Variants in KALRN observed in about 807,000 individuals in gnomAD.
The protein encoded by KALRN is kalirin RhoGEF kinase, also known as kalirin.
Under a neutral mutation model 353.7 loss-of-function variants are expected in KALRN, and 70 were observed. The observed-to-expected ratio is 0.20, with a 90% CI of 0.16 to 0.24. The LOEUF (loss-of-function observed/expected upper bound fraction) is 0.24, where lower values mean the gene tolerates loss of function less well. Ranked by LOEUF, KALRN falls within the 10% of genes least tolerant of loss-of-function variation. The probability of loss-of-function intolerance (pLI) is 1.00; values close to 1 mark genes in which losing one functional copy is unlikely to be tolerated. For missense variants in KALRN, 2,791 were observed against 3,756.7 expected (o/e 0.74, Z 6.72); for synonymous variants, 1,391 against 1,434.8 (o/e 0.97, Z 0.69).
At chr3:124,433,307 C>T (rs2093348247) in intron 16 of KALRN, among the ~76,000 whole-genome samples, 1 of 151,648 alleles carries the variant, frequency 6.6e-6, no homozygotes, top group Non-Finnish European at 1.5e-5. Context: ...AAAAGAACTT[C>T]TGGTCAGATG....
intron 25 of KALRN, among the ~76,000 whole-genome samples, chr3:124,464,421 A>C (rs1202136057): frequency 1.3e-5 from 2 of 152,192 alleles, no homozygotes; most frequent in East Asian, 3.8e-4. Context: ...CTGGTAAACC[A>C]TGGTAAACAG....
At chr3:124,324,211 A>G (rs934673121) in intron 6 of KALRN, among the ~76,000 whole-genome samples, 4 of 152,224 alleles carry the variant, frequency 2.6e-5, no homozygotes, top group African/African-American at 9.6e-5. Context: ...ACCATGCCCA[A>G]GTAAACTGTC....
At chr3:124,478,773 C>A (rs1324091862) in intron 27 of KALRN, among the ~76,000 whole-genome samples, 1 of 152,166 alleles carries the variant, frequency 6.6e-6, no homozygotes, top group Non-Finnish European at 1.5e-5. Context: ...TGCATTGTGT[C>A]CTGTCTTCCA....
At chr3:124,389,752 A>G (rs751515423) in intron 11 of KALRN, among the ~76,000 whole-genome samples, 4 of 152,232 alleles carry the variant, frequency 2.6e-5, no homozygotes, top group African/African-American at 9.6e-5. Flanking sequence ...TCAATAACAC[A>G]TATAGAATAA....
At chr3:124,657,908 C>G in intron 41 of KALRN, 105 bp downstream of exon 41, 1 of 827,846 alleles carries the variant, frequency 1.2e-6, no homozygotes, top group Non-Finnish European at 2.0e-6. Flanking sequence ...AATTCCAACA[C>G]TTTAGGAGGC....
chr3:124,481,827 C>G (rs745483347), intron 27 of KALRN, among the ~76,000 whole-genome samples: 1 of 152,230 alleles, frequency 6.6e-6, no homozygotes, highest in Non-Finnish European at 1.5e-5. Context: ...CTTATCTCTA[C>G]TAACCACCCG....
intron 22 of KALRN, among the ~76,000 whole-genome samples, chr3:124,455,897 A>C (rs1269099468): frequency 6.6e-6 from 1 of 152,232 alleles, no homozygotes; most frequent in African/African-American, 2.4e-5. Flanking sequence ...TTAAGAGCTT[A>C]ATACAGCCTG....
At chr3:124,518,806 G>A in intron 33 of KALRN, 1 of 1,213,328 alleles carries the variant, frequency 8.2e-7, no homozygotes, top group Non-Finnish European at 1.0e-6. Flanking sequence ...CCAGGCTCCT[G>A]CTGCCCTAGA....
chr3:124,707,796 A>C (rs988036897), intron 57 of KALRN, among the ~76,000 whole-genome samples: 2 of 152,194 alleles, frequency 1.3e-5, no homozygotes, highest in Admixed American at 1.3e-4. Flanking sequence ...AACTTCAAAA[A>C]GGGGCACTTG....
At position 124,234,684 on chromosome 3, in the gene KALRN, C is replaced by T. The variant is rs191181202; in HGVS notation, c.149-145C>T. The T allele has an allele frequency of 6.3e-6, 4 of 633,892 alleles. No individual in the cohort carries two copies. The African/African-American group carries it at 7.3e-5, about 12-fold the overall frequency. The allele number at this position is 633,892 out of a possible 1,614,324, so 39.3% of individuals were successfully genotyped here. A position where few individuals can be genotyped will look rare whatever the true frequency, so the allele number is the denominator to read the frequency against. On this transcript the variant is annotated intron_variant, in intron 2 of 59. Transcript: ENST00000682506. ...ATGTGCTACCTGCATCTAGACCCCCCCACCTTGTCCTAAGCAGTGACCAGA... is the reference window on the plus strand; with the variant it reads ...ATGTGCTACCTGCATCTAGACCCCCTCACCTTGTCCTAAGCAGTGACCAGA...
chr3:124,701,073 T>G (rs1405464429), intron 56 of KALRN, among the ~76,000 whole-genome samples: 1 of 152,222 alleles, frequency 6.6e-6, no homozygotes. Context: ...AAGCTGCTCA[T>G]GTGACCCCTC....
At chr3:124,306,778 C>A (rs1038825880) in intron 6 of KALRN, among the ~76,000 whole-genome samples, 3 of 152,166 alleles carry the variant, frequency 2.0e-5, no homozygotes, top group South Asian at 4.1e-4. Context: ...TACAAGGGAA[C>A]CTCAATAAGA....
In KALRN at chr3:124,652,460, G is replaced by A. The variant is rs7649650; in HGVS notation, c.5795+1522G>A. 2.6e-3 allele frequency among the ~76,000 whole-genome samples: 393 copies of A among 152,352 alleles called. 1 individual carries two copies. Among genetic ancestry groups the A allele is most frequent in the African/African-American group, 9.1e-3 (380 of 41,584 alleles). On this transcript the variant is annotated intron_variant, in intron 38 of 59. Transcript: ENST00000682506. ...CTGAGTCTCCTTAGCTTCTCAGGTTGTTGTTACACAGGTGAGGCCAAGTTG... is the reference window on the plus strand; with the variant it reads ...CTGAGTCTCCTTAGCTTCTCAGGTTATTGTTACACAGGTGAGGCCAAGTTG...
At chr3:124,188,536 C>T (rs1281923904) in intron 1 of KALRN, among the ~76,000 whole-genome samples, 15 of 152,188 alleles carry the variant, frequency 9.9e-5, no homozygotes, top group Non-Finnish European at 5.9e-5. Context: ...TTATCTTCAG[C>T]GTCTCTTGTA....
intron 53 of KALRN, among the ~76,000 whole-genome samples, chr3:124,695,387 GA>G (rs2062005853): frequency 6.6e-6 from 1 of 152,280 alleles, no homozygotes; most frequent in South Asian, 2.1e-4. Flanking sequence ...GTGTGTATGG[GA>G]AAAAGAAGAA....
chr3:124,384,708 C>A, intron 10 of KALRN, 137 bp from the exon 11 acceptor site: 1 of 791,504 alleles, frequency 1.3e-6, no homozygotes, highest in Non-Finnish European at 1.9e-6. Flanking sequence ...CAGCTCCGCG[C>A]ACCGCGCCTC....
chr3:124,615,373 A>G (rs2078461298), intron 34 of KALRN, among the ~76,000 whole-genome samples: 1 of 152,182 alleles, frequency 6.6e-6, no homozygotes, highest in South Asian at 2.1e-4. Context: ...TATTGGAATA[A>G]CTGTCAATAT....
At chr3:124,368,733 T>C (rs1488452492) in intron 10 of KALRN, among the ~76,000 whole-genome samples, 3 of 149,818 alleles carry the variant, frequency 2.0e-5, no homozygotes, top group African/African-American at 7.4e-5. Flanking sequence ...TAGGTTGTAG[T>C]GAGCCGAGAT....
chr3:124,477,973 T>C (rs1218645411), intron 27 of KALRN, among the ~76,000 whole-genome samples: 3 of 152,234 alleles, frequency 2.0e-5, no homozygotes, highest in African/African-American at 7.2e-5. Flanking sequence ...TCTGCTATAA[T>C]AGAAGCCAGG....
Sources: allele counts gnomAD v4.1 joint callset (sites outside exome capture counted in the v4.1 genomes callset), GRCh38; gene constraint gnomAD v4.1.1; transcripts MANE v1.5; gene names NCBI Gene and HGNC (gene_info 2026-07-23, HGNC 2026-07-21).